Variants in OR6F1 observed in about 807,000 individuals in gnomAD.
OR6F1 encodes the protein olfactory receptor family 6 subfamily F member 1.
For missense variants in OR6F1, 346 were observed against 376.0 expected (o/e 0.92, Z 0.66); for synonymous variants, 144 against 150.0 (o/e 0.96, Z 0.29).
chr1:247,711,826 G>A lies in OR6F1; in HGVS notation c.*3C>T. On this transcript the variant is annotated 3_prime_UTR_variant, in exon 3 of 3. Transcript: ENST00000641470. ...ACAGGACATCTGTTGTGGTAGAGGA[G>A]ATTTATTTTCCCTTCCATTTCTTCA... 1 of 1,591,728 alleles carries A rather than the reference G, an allele frequency of 6.3e-7. No individual in the cohort carries two copies. Among genetic ancestry groups the A allele is most frequent in the East Asian group, 2.2e-5 (1 of 44,730 alleles).
At position 247,711,647 on chromosome 1, in the gene OR6F1, G is replaced by C. The variant is rs1659999277; in HGVS notation, c.*182C>G. 1 of 494,002 alleles carries C rather than the reference G, an allele frequency of 2.0e-6. No individual in the cohort carries two copies. Among genetic ancestry groups the C allele is most frequent in the Non-Finnish European group, 3.6e-6 (1 of 281,556 alleles). The allele number at this position is 494,002 out of a possible 1,614,324, so 30.6% of individuals were successfully genotyped here. A position where few individuals can be genotyped will look rare whatever the true frequency, so the allele number is the denominator to read the frequency against. On this transcript the variant is annotated 3_prime_UTR_variant, in exon 3 of 3. Coordinates refer to ENST00000641470, the MANE Select transcript of OR6F1 (RefSeq NM_001005286.2). ...TTGCTTAAAAATCCCATTTGCTTAT[G>C]TCAAAAACTCCCATTTTTATCATAC... is the stretch of plus-strand genomic sequence containing the variant.
At position 247,712,695 on chromosome 1, in the gene OR6F1, G is replaced by T; in HGVS notation, c.61C>A (p.Gln21Lys). The change falls in exon 3 of 3, where the codon CAA becomes AAA. Residue 21 changes from glutamine to lysine, a missense_variant. Gln to Lys is a moderately conservative substitution (Grantham distance 53, BLOSUM62 1). Transcript: ENST00000641470. Reference sequence around the variant, plus strand: ...ATAAAGAGAGAGAGCTGAAGAGTTTGAGAACCAGGAAAGCCCAGTAAGAGA... The same window carrying T: ...ATAAAGAGAGAGAGCTGAAGAGTTTTAGAACCAGGAAAGCCCAGTAAGAGA... Reference protein sequence around the residue: ...DFLLLGFPGSQTLQLSLFMLF... With the variant: ...DFLLLGFPGSKTLQLSLFMLF... 6.2e-7 allele frequency: 1 copy of T among 1,611,260 alleles called. No individual in the cohort carries two copies. The highest frequency in any genetic ancestry group is 1.1e-5 in the South Asian group (1 of 91,072).
At chr1:247,714,030 T>A in intron 1 of OR6F1, 76 bp from the exon 2 acceptor site, 1 of 398,410 alleles carries the variant, frequency 2.5e-6, no homozygotes, top group Non-Finnish European at 4.4e-6. Context: ...ATTTCATATG[T>A]TTCCAAATGT....
chr1:247,713,920 A>G lies in OR6F1; in HGVS notation c.-92T>C. 5.0e-6 allele frequency: 2 copies of G among 398,620 alleles called. No individual in the cohort carries two copies. Among genetic ancestry groups the G allele is most frequent in the Non-Finnish European group, 8.8e-6 (2 of 226,052 alleles). 24.7% of individuals were successfully genotyped at this position (398,620 alleles called of 1,614,324 possible). ...TTGATGGCAGAAGGGGCTTCCAAGCAGTGCTTCTCAAGCTCTAATGGGCAC... is the reference window on the plus strand; with the variant it reads ...TTGATGGCAGAAGGGGCTTCCAAGCGGTGCTTCTCAAGCTCTAATGGGCAC... On this transcript the variant is annotated 5_prime_UTR_variant, in exon 2 of 3. Transcript: ENST00000641470.
chr1:247,714,945 G>A (rs981066068), intron 1 of OR6F1, among the ~76,000 whole-genome samples: 3 of 151,870 alleles, frequency 2.0e-5, no homozygotes, highest in African/African-American at 7.3e-5. Flanking sequence ...TTTCTTTAAA[G>A]GTCATCAGGG....
chr1:247,711,954 A>G lies in OR6F1; in HGVS notation c.802T>C (p.Leu268=). The change falls in exon 3 of 3, where the codon TTG becomes CTG. Residue 268 remains leucine, a synonymous_variant. Transcript: ENST00000641470. ...ACGTGGACAGCTTTGATCAGATCCA[A>G]GGCATCTTTGATAGAGGTGCGGACG... ...LHVRTSIKDA[L]DLIKAVHVLN... 1 of 1,613,982 alleles carries G rather than the reference A, an allele frequency of 6.2e-7. No individual in the cohort carries two copies. Among genetic ancestry groups the G allele is most frequent in the East Asian group, 2.2e-5 (1 of 44,890 alleles).
rs1444570669 is a variant in OR6F1, at chr1:247,712,837, G to A, written c.-62-20C>T. The A allele has an allele frequency of 1.1e-5, 8 of 711,528 alleles. No homozygotes were observed. The highest frequency in any genetic ancestry group is 1.6e-5 in the Non-Finnish European group (7 of 426,730). 44.1% of individuals were successfully genotyped at this position (711,528 alleles called of 1,614,324 possible). ...ACAGTCCTAGAAAGATAAAAAGAATGGATTCATGAAAGAGCTCCAATAATT... is the reference window on the plus strand; with the variant it reads ...ACAGTCCTAGAAAGATAAAAAGAATAGATTCATGAAAGAGCTCCAATAATT... On this transcript the variant is annotated intron_variant, in intron 2 of 2. Coordinates refer to ENST00000641470, the MANE Select transcript of OR6F1 (RefSeq NM_001005286.2).
chr1:247,715,337 T>C (rs922029190), intron 1 of OR6F1, among the ~76,000 whole-genome samples: 1 of 152,240 alleles, frequency 6.6e-6, no homozygotes, highest in Non-Finnish European at 1.5e-5. Context: ...CTATGAGTAA[T>C]GTGAATAAGG....
chr1:247,712,862 T>C, intron 2 of OR6F1, 45 bp from the exon 3 acceptor site: 1 of 617,688 alleles, frequency 1.6e-6, no homozygotes, highest in South Asian at 2.2e-5. Context: ...CTCCAATAAT[T>C]AAATGTAATT....
Position 247,712,214 on chromosome 1 carries a change from A to G in OR6F1, c.542T>C (p.Ile181Thr), listed in dbSNP as rs150144687. The G allele has an allele frequency of 6.3e-4, 1,013 of 1,614,218 alleles. 14 individuals are homozygous for G. The East Asian group carries it at 0.012, about 19-fold the overall frequency. The change falls in exon 3 of 3, where the codon ATT becomes ACT. Residue 181 changes from isoleucine to threonine, a missense_variant. By Grantham distance (89) the Ile-to-Thr change is moderately conservative (BLOSUM62 -1). Coordinates refer to ENST00000641470, the MANE Select transcript of OR6F1 (RefSeq NM_001005286.2). The stretch of plus-strand genomic sequence containing the variant: ...GCAGGCCAGGGCAATCCAGGGTGCA[A>G]TGTCACAGAAGAAGTGGTTGATGGC... ...PRAINHFFCDIAPWIALACTN... is the reference protein window; with the variant it reads ...PRAINHFFCDTAPWIALACTN...
In OR6F1 at chr1:247,711,735, A is replaced by G. The variant is rs999146256; in HGVS notation, c.*94T>C. 1 of 766,510 alleles carries G rather than the reference A, an allele frequency of 1.3e-6. No homozygotes were observed. The allele number at this position is 766,510 out of a possible 1,614,324, so 47.5% of individuals were successfully genotyped here. A position where few individuals can be genotyped will look rare whatever the true frequency, so the allele number is the denominator to read the frequency against. On this transcript the variant is annotated 3_prime_UTR_variant, in exon 3 of 3. Transcript: ENST00000641470. ...TTTGTTTGTTTTTTCTCTGTGTACC[A>G]AGAAAGATTTGCCCTATTCCTCCAC...
Position 247,712,914 on chromosome 1 carries a change from G to A in OR6F1, c.-62-97C>T, listed in dbSNP as rs1323477832. On this transcript the variant is annotated intron_variant, in intron 2 of 2. Coordinates refer to ENST00000641470, the MANE Select transcript of OR6F1 (RefSeq NM_001005286.2). ...AACTTTCATTGAATGCCTGCTCTGT[G>A]TTTGGAGGCATAGTTAATATCAGTT... 3.1e-5 allele frequency: 17 copies of A among 545,662 alleles called. No individual in the cohort carries two copies. The East Asian group carries it at 4.6e-4, about 15-fold the overall frequency. The allele number at this position is 545,662 out of a possible 1,614,324, so 33.8% of individuals were successfully genotyped here. A position where few individuals can be genotyped will look rare whatever the true frequency, so the allele number is the denominator to read the frequency against.
rs1044962070 is a variant in OR6F1, at chr1:247,712,844, T to G, written c.-62-27A>C. 3 of 676,096 alleles carry G rather than the reference T, an allele frequency of 4.4e-6. No homozygotes were observed. The African/African-American group carries it at 5.4e-5, about 12-fold the overall frequency. The allele number at this position is 676,096 out of a possible 1,614,324, so 41.9% of individuals were successfully genotyped here. ...TAGAAAGATAAAAAGAATGGATTCA[T>G]GAAAGAGCTCCAATAATTAAATGTA... On this transcript the variant is annotated intron_variant, in intron 2 of 2. Coordinates refer to ENST00000641470, the MANE Select transcript of OR6F1 (RefSeq NM_001005286.2).
intron 1 of OR6F1, 53 bp from the exon 2 acceptor site, chr1:247,714,007 C>T (rs1197137200): frequency 1.0e-5 from 4 of 398,532 alleles, no homozygotes; most frequent in African/African-American, 6.2e-5. Context: ...TGACATGCAG[C>T]CTATGGTTTT....
At chr1:247,715,533 A>T (rs1467991527) in intron 1 of OR6F1, among the ~76,000 whole-genome samples, 1 of 152,176 alleles carries the variant, frequency 6.6e-6, no homozygotes, top group Non-Finnish European at 1.5e-5. Flanking sequence ...TCAACCCCAC[A>T]TGTGAAAACC....
In OR6F1 at chr1:247,712,130, C is replaced by T; in HGVS notation, c.626G>A (p.Ser209Asn). Residue 209 changes from serine (S) to asparagine (N), a missense_variant, in exon 3 of 3, where the codon AGT (serine) becomes AAT (asparagine). By Grantham distance (46) the Ser-to-Asn change is conservative. Transcript: ENST00000641470. Reference protein sequence around the residue: ...AFVIAVVVILSSCLITFVSYV... With the variant: ...AFVIAVVVILNSCLITFVSYV... ...GGAGACAAAGGTGATGAGGCATGAA[C>T]TCAGGATAACCACAACAGCAATCAC... is the stretch of plus-strand genomic sequence containing the variant. The T allele has an allele frequency of 6.2e-7, 1 of 1,614,170 alleles. No individual in the cohort carries two copies. Among genetic ancestry groups the T allele is most frequent in the Non-Finnish European group, 8.5e-7 (1 of 1,180,006 alleles).
intron 1 of OR6F1, among the ~76,000 whole-genome samples, chr1:247,716,023 CG>C (rs1348127534): frequency 1.3e-5 from 2 of 151,968 alleles, no homozygotes; most frequent in African/African-American, 4.8e-5. Flanking sequence ...GAGGTCAGGG[CG>C]GGGGGATCAC....
chr1:247,713,279 T>C (rs890222346), intron 2 of OR6F1, among the ~76,000 whole-genome samples: 3 of 151,128 alleles, frequency 2.0e-5, no homozygotes, highest in African/African-American at 7.4e-5. Context: ...AGCTTCTAAA[T>C]TGATCTAATT....
At position 247,711,832 on chromosome 1, in the gene OR6F1, T is replaced by G; in HGVS notation, c.924A>C (p.Lys308Asn). The G allele has an allele frequency of 6.2e-7, 1 of 1,602,444 alleles. No homozygotes were observed. The highest frequency in any genetic ancestry group is 1.3e-5 in the African/African-American group (1 of 74,738). Residue 308 changes from lysine (K) to asparagine (N), a missense_variant, in exon 3 of 3, where the codon AAA becomes AAC. Coordinates refer to ENST00000641470, the MANE Select transcript of OR6F1 (RefSeq NM_001005286.2). The stretch of plus-strand genomic sequence containing the variant: ...CATCTGTTGTGGTAGAGGAGATTTA[T>G]TTTCCCTTCCATTTCTTCAGCAGAG... ...RETLLKKWKG[K>N] is the part of the protein sequence containing the mutation.
Sources: gnomAD v4.1 joint callset for allele counts (sites outside exome capture counted in the v4.1 genomes callset) on GRCh38, gnomAD v4.1.1 for gene constraint, MANE v1.5 for transcripts, NCBI Gene and HGNC (gene_info 2026-07-23, HGNC 2026-07-21) for gene names.